The following CARMIL1 variants were observed in gnomAD, a reference collection of about 807,000 sequenced individuals.
The protein encoded by CARMIL1 is F-actin-uncapping protein LRRC16A.
Under a neutral mutation model 177.1 loss-of-function variants are expected in CARMIL1, and 90 were observed. The ratio of observed to expected loss-of-function variants is 0.51; its 90% CI spans 0.43 to 0.61. The LOEUF (loss-of-function observed/expected upper bound fraction) is 0.61. Ranked by LOEUF, CARMIL1 falls within the 20% of genes least tolerant of loss-of-function variation. The pLI is 0.00. For missense variants in CARMIL1, 1,380 were observed against 1,667.0 expected, an observed-to-expected ratio of 0.83 and a Z score of 3.00; for synonymous variants, 577 against 606.2, an observed-to-expected ratio of 0.95 and a Z score of 0.71.
chr6:25,459,262 C>CTTTTCTTTCTTTCTTTCTTTCTTTCT (rs1239364061), intron 8 of CARMIL1, among the ~76,000 whole-genome samples: 1 of 101,456 alleles, frequency 9.9e-6, no homozygotes, highest in Non-Finnish European at 1.9e-5. Flanking sequence ...TTCTTTCTTT[C>CTTTTCTTTCTTTCTTTCTTTCTTTCT]TTTCTTTTTT....
intron 1 of CARMIL1, among the ~76,000 whole-genome samples, chr6:25,281,123 C>A: frequency 8.1e-6 from 1 of 122,974 alleles, no homozygotes; most frequent in East Asian, 2.7e-4. Flanking sequence ...GACGCACGCG[C>A]GTGTGCGCGC....
At chr6:25,369,384 T>TG (rs1484591729) in intron 2 of CARMIL1, among the ~76,000 whole-genome samples, 5 of 79,964 alleles carry the variant, frequency 6.3e-5, no homozygotes, top group African/African-American at 1.8e-4. Context: ...ATTTTGTTTT[T>TG]TTTTTTTTTT....
chr6:25,390,316 A>ATTT (rs1316087000), intron 2 of CARMIL1, among the ~76,000 whole-genome samples: 70 of 42,204 alleles, frequency 1.7e-3, no homozygotes, highest in Non-Finnish European at 2.6e-3. Flanking sequence ...ATATATATAT[A>ATTT]TATATTTTTT....
intron 2 of CARMIL1, among the ~76,000 whole-genome samples, chr6:25,398,956 T>G (rs2150572142): frequency 6.6e-6 from 1 of 152,334 alleles, no homozygotes; most frequent in East Asian, 1.9e-4. Flanking sequence ...TCCTTGTCTA[T>G]AACAAGAGAA....
chr6:25,603,483 A>ACT (rs1445003418), intron 33 of CARMIL1, among the ~76,000 whole-genome samples: 1 of 152,146 alleles, frequency 6.6e-6, no homozygotes, highest in African/African-American at 2.4e-5. Flanking sequence ...GGAGTGTGTG[A>ACT]CTGGGGTAGA....
intron 8 of CARMIL1, among the ~76,000 whole-genome samples, chr6:25,451,117 T>C (rs1361681417): frequency 6.6e-6 from 1 of 150,716 alleles, no homozygotes; most frequent in Non-Finnish European, 1.5e-5. Context: ...TAAGAATCTC[T>C]AGATTTTTGC....
At chr6:25,337,196 T>A (rs953373034) in intron 2 of CARMIL1, among the ~76,000 whole-genome samples, 2 of 152,212 alleles carry the variant, frequency 1.3e-5, no homozygotes, top group African/African-American at 4.8e-5. Context: ...GCCATACAGC[T>A]CTCCTTGTAA....
intron 27 of CARMIL1, among the ~76,000 whole-genome samples, chr6:25,551,556 T>C (rs1810109282): frequency 6.6e-6 from 1 of 152,224 alleles, no homozygotes; most frequent in Non-Finnish European, 1.5e-5. Context: ...TGTGTATTAA[T>C]GGTGTCTTTG....
chr6:25,474,169 G>A (rs995561339), intron 11 of CARMIL1, among the ~76,000 whole-genome samples: 7 of 150,620 alleles, frequency 4.6e-5, no homozygotes, highest in Non-Finnish European at 7.4e-5. Context: ...GTGCAGTGGC[G>A]CGATCTTGGC....
At chr6:25,610,274 T>C in intron 36 of CARMIL1, 93 bp downstream of exon 36, 1 of 1,358,854 alleles carries the variant, frequency 7.4e-7, no homozygotes, top group African/African-American at 1.5e-5. Flanking sequence ...TTTACTAATA[T>C]CTTAGAGTTT....
rs1234487794 is a variant in CARMIL1, at chr6:25,515,745, G to A, written c.1703G>A (p.Gly568Glu). ...TEVTIIINAL[G>E]SNTSLTKVDI... ...GTCACCATCATCATCAATGCCCTGG[G>A]AAGCAACACCTCCCTGACCAAAGTG... The change falls in exon 21 of 37, where the codon GGA becomes GAA. Residue 568 changes from glycine to glutamate, a missense_variant. Coordinates refer to ENST00000329474, the MANE Select transcript of CARMIL1 (RefSeq NM_017640.6). This position sits in a 1 kb window ranked among gnomAD's most constrained non-coding sequence, Gnocchi z 5.0. 6.2e-7 allele frequency: 1 copy of A among 1,611,234 alleles called. No homozygotes were observed. Among genetic ancestry groups the A allele is most frequent in the East Asian group, 2.2e-5 (1 of 44,792 alleles).
chr6:25,510,707 G>T lies in CARMIL1; in HGVS notation c.1578-1G>T. 6.5e-7 allele frequency: 1 copy of T among 1,547,080 alleles called. No individual in the cohort carries two copies. The highest frequency in any genetic ancestry group is 8.8e-7 in the Non-Finnish European group (1 of 1,141,728). On this transcript the variant is annotated splice_acceptor_variant, in intron 19 of 36. Coordinates refer to ENST00000329474, the MANE Select transcript of CARMIL1 (RefSeq NM_017640.6). LOFTEE classifies it high-confidence loss of function. ...TGTCCACATCTCTAAAATCTCTTTA[G>T]AAATCTGACACCTGTATTGGACAAC... is the stretch of plus-strand genomic sequence containing the variant.
chr6:25,449,741 T>TAGAG (rs1324548387), intron 5 of CARMIL1, among the ~76,000 whole-genome samples, 157 bp from the exon 6 acceptor site: 1 of 152,208 alleles, frequency 6.6e-6, no homozygotes, highest in Non-Finnish European at 1.5e-5. Context: ...TCTAGCTCTC[T>TAGAG]AGTGCTCAAA....
At position 25,453,248 on chromosome 6, in the gene CARMIL1, G is replaced by GAA. The variant is rs35224114; in HGVS notation, c.614+2547_614+2548dup. 2.4e-4 allele frequency among the ~76,000 whole-genome samples: 34 copies of GAA among 143,152 alleles called. No homozygotes were observed. In the East Asian group the frequency reaches 3.0e-3, roughly 13 times the overall value. The allele number at this position is 143,152 out of a possible 152,430, so 93.9% of individuals were successfully genotyped here. A position where few individuals can be genotyped will look rare whatever the true frequency, so the allele number is the denominator to read the frequency against. ...CTTGAAAGATACAATTTTACTATTG[G>GAA]AAAAAAAAAAACAAACATATTATCA... On this transcript the variant is annotated intron_variant, in intron 8 of 36. Coordinates refer to ENST00000329474, the MANE Select transcript of CARMIL1 (RefSeq NM_017640.6).
intron 29 of CARMIL1, among the ~76,000 whole-genome samples, chr6:25,570,962 T>C (rs1812020351): frequency 6.6e-6 from 1 of 152,184 alleles, no homozygotes; most frequent in African/African-American, 2.4e-5. Flanking sequence ...TAGGTATCTC[T>C]TTTTCTTAGT....
chr6:25,467,168 G>A (rs565245301), intron 9 of CARMIL1, among the ~76,000 whole-genome samples: 2 of 152,306 alleles, frequency 1.3e-5, no homozygotes, highest in South Asian at 4.1e-4. Context: ...CAAGAGTTGT[G>A]TCTGAGAAGT....
At chr6:25,378,366 C>G (rs1461888208) in intron 2 of CARMIL1, among the ~76,000 whole-genome samples, 5 of 152,232 alleles carry the variant, frequency 3.3e-5, no homozygotes, top group African/African-American at 1.2e-4. Flanking sequence ...ACAGCAGGGG[C>G]ACCCCTGTGC....
chr6:25,292,400 T>G (rs1782042638), intron 2 of CARMIL1, among the ~76,000 whole-genome samples: 1 of 152,220 alleles, frequency 6.6e-6, no homozygotes, highest in Non-Finnish European at 1.5e-5. Flanking sequence ...GATGCTGGCA[T>G]AAATTCTGGG....
chr6:25,309,478 C>A (rs1783589035), intron 2 of CARMIL1, among the ~76,000 whole-genome samples: 1 of 132,926 alleles, frequency 7.5e-6, no homozygotes, highest in South Asian at 2.6e-4. Context: ...CAATTTTGAG[C>A]CTTTTTTTTT....
Sources: gnomAD v4.1 joint callset for allele counts (sites outside exome capture counted in the v4.1 genomes callset) on GRCh38, gnomAD v4.1.1 for gene constraint, Gnocchi (gnomAD v3.1) non-coding constraint, MANE v1.5 for transcripts, NCBI Gene and HGNC (gene_info 2026-07-23, HGNC 2026-07-21) for gene names.